The following BTF3 variants were observed in gnomAD, a reference collection of about 807,000 sequenced individuals.
The protein encoded by BTF3 is basic transcription factor 3.
In BTF3, 12 loss-of-function variants were observed where a neutral mutation model predicts 23.9. That is an observed-to-expected ratio of 0.50 (90% CI 0.32 to 0.81). The LOEUF is 0.81. Ranked by LOEUF, BTF3 falls within the 40% of genes least tolerant of loss-of-function variation. The pLI is 0.03. For synonymous variants in BTF3, 96 were observed against 94.8 expected (o/e 1.01, Z -0.07); for missense variants, 215 against 255.9 (o/e 0.84, Z 1.09).
intron 5 of BTF3, among the ~76,000 whole-genome samples, chr5:73,504,989 C>G (rs1485187643): frequency 7.4e-6 from 1 of 134,938 alleles, no homozygotes; most frequent in Non-Finnish European, 1.5e-5. Context: ...GTTCTGCTCC[C>G]CCACTATTGA....
Position 73,502,218 on chromosome 5 carries a change from A to G in BTF3, c.202-270A>G, listed in dbSNP as rs553858844. Among the ~76,000 whole-genome samples, 74 of 152,060 alleles carry G rather than the reference A, an allele frequency of 4.9e-4. 1 individual carries two copies. The highest frequency in any genetic ancestry group is 9.7e-4 in the Non-Finnish European group (66 of 67,994). ...TAATTCTGGATGTGGAATTCTTTCA[A>G]ATGCTTAATTTAGATTGACACATGC... On this transcript the variant is annotated intron_variant, in intron 2 of 5. Coordinates refer to ENST00000380591, the MANE Select transcript of BTF3 (RefSeq NM_001037637.2).
chr5:73,502,888 C>A, intron 3 of BTF3, 28 bp from the exon 4 acceptor site: 1 of 1,599,330 alleles, frequency 6.3e-7, no homozygotes, highest in Non-Finnish European at 8.5e-7. Flanking sequence ...GTCAGCATTG[C>A]TAATTTAAAT....
At chr5:73,500,968 T>C (rs1746421756) in intron 2 of BTF3, among the ~76,000 whole-genome samples, 1 of 151,788 alleles carries the variant, frequency 6.6e-6, no homozygotes, top group African/African-American at 2.4e-5. Context: ...TTTTCTTCAG[T>C]TAAATAACAA....
At chr5:73,502,661 A>C in intron 3 of BTF3, 60 bp downstream of exon 3, 1 of 1,190,676 alleles carries the variant, frequency 8.4e-7, no homozygotes, top group Non-Finnish European at 1.1e-6. Context: ...GTTAACGTTA[A>C]TGCATTAAAT....
intron 1 of BTF3, 31 bp downstream of exon 1, chr5:73,498,830 C>T: frequency 2.0e-6 from 3 of 1,501,502 alleles, no homozygotes; most frequent in Non-Finnish European, 1.8e-6. Flanking sequence ...AGTGGCCGGG[C>T]CGGGCAGGCC....
At chr5:73,502,219 A>T (rs1746454143) in intron 2 of BTF3, among the ~76,000 whole-genome samples, 1 of 151,976 alleles carries the variant, frequency 6.6e-6, no homozygotes, top group Non-Finnish European at 1.5e-5. Context: ...ATTCTTTCAA[A>T]TGCTTAATTT....
Position 73,498,684 on chromosome 5 carries a change from C to T in BTF3, c.17C>T (p.Ala6Val). The change falls in exon 1 of 6, where the codon GCA becomes GTA. Residue 6 changes from alanine (A) to valine (V), a missense_variant. By Grantham distance (64) the Ala-to-Val change is moderately conservative. This residue lies in a region of BTF3 where 116 missense variants were observed against 84.7 expected (regional missense o/e 1.37). Transcript: ENST00000380591. MRRTG[A>V]PAQADSRGRG... ...AGGAAGGCGATGCGACGGACAGGCG[C>T]ACCCGCTCAGGCTGACTCTCGGGGG... The T allele has an allele frequency of 6.7e-7, 1 of 1,498,466 alleles. No individual in the cohort carries two copies. Among genetic ancestry groups the T allele is most frequent in the Non-Finnish European group, 8.8e-7 (1 of 1,132,382 alleles). 92.8% of individuals were successfully genotyped at this position (1,498,466 alleles called of 1,614,324 possible).
chr5:73,504,723 A>C, intron 5 of BTF3: 1 of 212,398 alleles, frequency 4.7e-6, no homozygotes, highest in Non-Finnish European at 9.2e-6. Context: ...TTTGAAACTC[A>C]TGAATTTACA....
intron 2 of BTF3, among the ~76,000 whole-genome samples, chr5:73,500,286 A>G (rs1746404558): frequency 6.6e-6 from 1 of 152,226 alleles, no homozygotes; most frequent in South Asian, 2.1e-4. Context: ...AAGTGCCAGC[A>G]AAACTCAAAT....
chr5:73,501,382 C>T lies in BTF3; in HGVS notation c.202-1106C>T, dbSNP rs559010894. Among the ~76,000 whole-genome samples, 10 of 152,230 alleles carry T rather than the reference C, an allele frequency of 6.6e-5. No homozygotes were observed. The South Asian group carries it at 1.7e-3, about 25-fold the overall frequency. Reference sequence around the variant, plus strand: ...TAAACAGAAGTCCTTATGGAGCTTACATTCTAGGGAGAGGAGATGGATGAT... The same window carrying T: ...TAAACAGAAGTCCTTATGGAGCTTATATTCTAGGGAGAGGAGATGGATGAT... On this transcript the variant is annotated intron_variant, in intron 2 of 5. Transcript: ENST00000380591.
chr5:73,502,495 C>T lies in BTF3; in HGVS notation c.209C>T (p.Ala70Val). ...TCTTCTCCCTGACTTTAGGGAACTG[C>T]TCGCAGAAAGAAGAAGGTGGTTCAT... is the stretch of plus-strand genomic sequence containing the variant. ...AQVRIGGKGT[A>V]RRKKKVVHRT... The change falls in exon 3 of 6, where the codon GCT becomes GTT. Residue 70 changes from alanine to valine, a missense_variant. Physicochemically the swap from Ala to Val is moderately conservative, Grantham distance 64. Coordinates refer to ENST00000380591, the MANE Select transcript of BTF3 (RefSeq NM_001037637.2). 7 of 1,595,010 alleles carry T rather than the reference C, an allele frequency of 4.4e-6. No homozygotes were observed. Among genetic ancestry groups the T allele is most frequent in the Non-Finnish European group, 6.0e-6 (7 of 1,175,258 alleles).
rs1331889338 is a variant in BTF3 at position 73,499,228 on chromosome 5, G to GA, written c.201+26_201+27insA. The GA allele has an allele frequency of 1.9e-6, 3 of 1,596,498 alleles. No homozygotes were observed. The African/African-American group carries it at 4.8e-5, about 25-fold the overall frequency. ...GTAAGTTTTAATAGTTCGGGTTTGT[G>GA]GGTTTTTTTTTTAAGGTTTAGGTAT... On this transcript the variant is annotated intron_variant, in intron 2 of 5. Coordinates refer to ENST00000380591, the MANE Select transcript of BTF3 (RefSeq NM_001037637.2).
intron 5 of BTF3, 103 bp from the exon 6 acceptor site, chr5:73,505,086 TATC>T (rs1194822445): frequency 6.2e-6 from 6 of 961,634 alleles, no homozygotes; most frequent in South Asian, 5.6e-5. Context: ...ACACAGTATT[TATC>T]ATCATTGGCA....
Position 73,502,946 on chromosome 5 carries a change from A to G in BTF3, c.346A>G (p.Ile116Val), listed in dbSNP as rs1256094316. The G allele has an allele frequency of 1.2e-6, 2 of 1,612,774 alleles. No individual in the cohort carries two copies. The highest frequency in any genetic ancestry group is 1.7e-5 in the Admixed American group (1 of 60,010). ...TATGTTTACAAACCAAGGAACAGTG[A>G]TCCACTTTAACAACCCTAAAGTTCA... The part of the protein sequence containing the change: ...VNMFTNQGTV[I>V]HFNNPKVQAS... The change falls in exon 4 of 6, where the codon ATC becomes GTC. Residue 116 changes from isoleucine to valine, a missense_variant. Physicochemically the swap from Ile to Val is conservative, Grantham distance 29. Around this residue, in one of 2 missense-constraint regions of BTF3, gnomAD observed 99 missense variants for 171.2 expected, o/e 0.58. Transcript: ENST00000380591.
chr5:73,499,519 C>G (rs183222687), intron 2 of BTF3: 7 of 408,538 alleles, frequency 1.7e-5, no homozygotes, highest in South Asian at 1.1e-4. Flanking sequence ...GCACATCATA[C>G]CCTTGACTTG....
Position 73,504,043 on chromosome 5 carries a change from C to T in BTF3, c.518-304C>T, listed in dbSNP as rs1249271737. ...ACCATGATTTGGTATGTGGGTTTTACCTGCACTCTAAGAGTTCCCTACTGC... is the reference window on the plus strand; with the variant it reads ...ACCATGATTTGGTATGTGGGTTTTATCTGCACTCTAAGAGTTCCCTACTGC... On this transcript the variant is annotated intron_variant, in intron 4 of 5. Transcript: ENST00000380591. Among the ~76,000 whole-genome samples the T allele has an allele frequency of 2.0e-5, 3 of 152,180 alleles. No homozygotes were observed. In the East Asian group the frequency reaches 5.8e-4, roughly 29 times the overall value.
Position 73,498,621 on chromosome 5 carries a change from G to T in BTF3, c.-47G>T. The T allele has an allele frequency of 1.4e-6, 2 of 1,425,582 alleles. No homozygotes were observed. Among genetic ancestry groups the T allele is most frequent in the South Asian group, 1.5e-5 (1 of 66,404 alleles). The allele number at this position is 1,425,582 out of a possible 1,614,324, so 88.3% of individuals were successfully genotyped here. A position where few individuals can be genotyped will look rare whatever the true frequency, so the allele number is the denominator to read the frequency against. On this transcript the variant is annotated 5_prime_UTR_variant, in exon 1 of 6. Transcript: ENST00000380591. ...CGGGAGCGGGGGCGGGAAGTTCCCT[G>T]AAGGAGCGAGACAGGGAGGGACAGG...
intron 4 of BTF3, 54 bp from the exon 5 acceptor site, chr5:73,504,282 TTTTTTTTTTTG>T: frequency 1.5e-6 from 1 of 687,592 alleles, no homozygotes; most frequent in African/African-American, 1.9e-5. Flanking sequence ...TTTTTTTTTT[TTTTTTTTTTTG>T]GTGAATATTT....
intron 2 of BTF3, among the ~76,000 whole-genome samples, chr5:73,501,213 G>C (rs1392223646): frequency 6.6e-6 from 1 of 152,136 alleles, no homozygotes; most frequent in Admixed American, 6.6e-5. Context: ...AGGCAAACAG[G>C]AGGTAATGAC....
Sources: gnomAD v4.1 joint callset for allele counts (sites outside exome capture counted in the v4.1 genomes callset) on GRCh38, gnomAD v4.1.1 for gene constraint, gnomAD v4.1.1 regional missense constraint, MANE v1.5 for transcripts, NCBI Gene and HGNC (gene_info 2026-07-23, HGNC 2026-07-21) for gene names.